DNHD1: variants seen among roughly 807,000 people sequenced by gnomAD.
The protein encoded by DNHD1 is dynein heavy chain domain-containing protein 1.
Under a neutral mutation model 458.1 loss-of-function variants are expected in DNHD1, and 383 were observed. The observed-to-expected ratio is 0.84, with a 90% CI of 0.77 to 0.91. DNHD1 has a LOEUF of 0.91. Among genes scored for constraint, DNHD1 ranks in the 40% least tolerant of loss-of-function variants. The probability of loss-of-function intolerance (pLI) is 0.00; values close to 1 mark genes in which losing one functional copy is unlikely to be tolerated. For missense variants in DNHD1, 5,336 were observed against 5,866.1 expected, an observed-to-expected ratio of 0.91 and a Z score of 2.95; for synonymous variants, 2,203 against 2,376.9, an observed-to-expected ratio of 0.93 and a Z score of 2.13.
chr11:6,534,082 TA>T lies in DNHD1; in HGVS notation c.2908del (p.Thr970LeufsTer8), dbSNP rs755616748. On this transcript the variant is annotated frameshift_variant, in exon 14 of 43. Coordinates refer to ENST00000254579, the MANE Select transcript of DNHD1 (RefSeq NM_144666.3). ...TGGACCCCACACAAGATCAGAGGAG[TA>T]CTGAGCACCAGCTCGTCTCCCTAGA... ...FMDPTQDQRSTEHQLVSLERQ... is the reference protein window; with the variant it reads ...FMDPTQDQRSXEHQLVSLERQ... The T allele has an allele frequency of 6.4e-5, 99 of 1,551,082 alleles. No homozygotes were observed. The South Asian group carries it at 1.1e-3, about 18-fold the overall frequency.
intron 24 of DNHD1, among the ~76,000 whole-genome samples, chr11:6,551,748 C>T (rs776882422): frequency 9.2e-5 from 14 of 152,186 alleles, no homozygotes; most frequent in Admixed American, 9.2e-4. Flanking sequence ...GGAGACCATC[C>T]TGGCCAACAT....
At position 6,546,811 on chromosome 11, in the gene DNHD1, G is replaced by A. The variant is rs530494945; in HGVS notation, c.5872G>A (p.Glu1958Lys). The A allele has an allele frequency of 7.5e-5, 116 of 1,551,858 alleles. No homozygotes were observed. The South Asian group carries it at 1.3e-3, about 17-fold the overall frequency. Residue 1958 changes from glutamate to lysine, a missense_variant, in exon 21 of 43, where the codon GAG (glutamate) becomes AAG (lysine). By Grantham distance (56) the Glu-to-Lys change is moderately conservative. Transcript: ENST00000254579. ...CAAGCTGATGAAGCCATTGGTGGTG[G>A]AGGAACTGCAACAGGTAGGTCTGGA... ...TYKLMKPLVV[E>K]ELQQVGLDPS...
Position 6,564,721 on chromosome 11 carries a change from C to G in DNHD1, c.10673C>G (p.Pro3558Arg). 1.3e-6 allele frequency: 2 copies of G among 1,550,190 alleles called. No individual in the cohort carries two copies. The highest frequency in any genetic ancestry group is 1.7e-6 in the Non-Finnish European group (2 of 1,145,852). The change falls in exon 32 of 43, where the codon CCC (proline) becomes CGC (arginine). Residue 3558 changes from proline (P) to arginine (R), a missense_variant. Physicochemically the swap from Pro to Arg is moderately radical, Grantham distance 103. This residue lies in a region of DNHD1 where 11 missense variants were observed against 31.4 expected (regional missense o/e 0.35). Transcript: ENST00000254579. Reference sequence around the variant, plus strand: ...TGCCGTTGGCCTCTGCTGCTTGACCCCAGCAACGAGGCCCTCATCTGGTTG... The same window carrying G: ...TGCCGTTGGCCTCTGCTGCTTGACCGCAGCAACGAGGCCCTCATCTGGTTG... ...SSCRWPLLLD[P>R]SNEALIWLDP...
At chr11:6,541,876 A>G (rs1853103557) in intron 18 of DNHD1, among the ~76,000 whole-genome samples, 2 of 152,198 alleles carry the variant, frequency 1.3e-5, no homozygotes, top group African/African-American at 4.8e-5. Flanking sequence ...GCAATGGGGA[A>G]AGGAAAGTGG....
intron 33 of DNHD1, 100 bp from the exon 34 acceptor site, chr11:6,566,141 C>T: frequency 6.7e-7 from 1 of 1,498,584 alleles, no homozygotes. Context: ...ACCCTCCTAT[C>T]AGCCACAGGG....
Position 6,509,045 on chromosome 11 carries a change from A to G in DNHD1, c.1086A>G (p.Pro362=), listed in dbSNP as rs77615924. ...CVLWQQLQFI[P]FFKYCLLRKS... is the part of the protein sequence containing the mutation. ...TCTGGCAGCAGCTCCAGTTCATTCC[A>G]TTCTTTAAGTATTGCCTCTTACGCA... The change falls in exon 5 of 43, where the codon CCA becomes CCG. Residue 362 remains proline (P), a synonymous_variant. Coordinates refer to ENST00000254579, the MANE Select transcript of DNHD1 (RefSeq NM_144666.3). The G allele has an allele frequency of 1.2e-3, 1,996 of 1,614,158 alleles. 10 individuals carry two copies. The African/African-American group carries it at 0.015, about 12-fold the overall frequency.
Position 6,557,399 on chromosome 11 carries a change from G to T in DNHD1, c.8104G>T (p.Glu2702Ter), listed in dbSNP as rs1012468951. Residue 2702 changes from glutamate to a stop codon, truncating the protein, a stop_gained, in exon 25 of 43, where the codon GAG (glutamate) becomes TAG (stop). Coordinates refer to ENST00000254579, the MANE Select transcript of DNHD1 (RefSeq NM_144666.3). LOFTEE classifies it high-confidence loss of function. ...DHQESEEEEE[E>*]ERVPEVESEG... ...TCAGGAGAGTGAGGAGGAGGAGGAGGAGGAGAGGGTGCCCGAAGTAGAATC... is the reference window on the plus strand; with the variant it reads ...TCAGGAGAGTGAGGAGGAGGAGGAGTAGGAGAGGGTGCCCGAAGTAGAATC... The T allele has an allele frequency of 1.2e-5, 18 of 1,551,002 alleles. No individual in the cohort carries two copies. Among genetic ancestry groups the T allele is most frequent in the Non-Finnish European group, 1.5e-5 (17 of 1,147,104 alleles).
Position 6,519,859 on chromosome 11 carries a change from G to C in DNHD1, c.1647+5G>C, listed in dbSNP as rs752213845. ...TTTGTGGCCAACATCCTTCAAGTGAGGTGGTGGGTGGCATGTGTGGAGGTG... is the reference window on the plus strand; with the variant it reads ...TTTGTGGCCAACATCCTTCAAGTGACGTGGTGGGTGGCATGTGTGGAGGTG... On this transcript the variant is annotated splice_donor_5th_base_variant and intron_variant, in intron 8 of 42. Transcript: ENST00000254579. 5.6e-6 allele frequency: 9 copies of C among 1,612,664 alleles called. No individual in the cohort carries two copies. Among genetic ancestry groups the C allele is most frequent in the Middle Eastern group, 1.6e-4 (1 of 6,062 alleles).
chr11:6,564,270 C>G, intron 31 of DNHD1, 63 bp from the exon 32 acceptor site: 1 of 1,474,010 alleles, frequency 6.8e-7, no homozygotes, highest in Non-Finnish European at 9.1e-7. Flanking sequence ...CTCCCTCTGC[C>G]ATATCTCTGC....
intron 4 of DNHD1, among the ~76,000 whole-genome samples, chr11:6,507,835 G>A (rs1216855249): frequency 6.6e-6 from 1 of 152,178 alleles, no homozygotes; most frequent in Non-Finnish European, 1.5e-5. Flanking sequence ...GTAATTTGGG[G>A]ATATGAGTAC....
intron 32 of DNHD1, among the ~76,000 whole-genome samples, chr11:6,565,044 C>T (rs1438681655): frequency 6.6e-6 from 1 of 152,198 alleles, no homozygotes; most frequent in Non-Finnish European, 1.5e-5. Context: ...GTCTACTCAG[C>T]ACTACCCAAA....
At chr11:6,568,891 CTCAG>C (rs748245819) in intron 39 of DNHD1, 25 bp downstream of exon 39, 137 of 1,587,468 alleles carry the variant, frequency 8.6e-5, no homozygotes, top group Middle Eastern at 5.0e-4. Context: ...CCCATTCCTG[CTCAG>C]TCAATCACTC....
intron 28 of DNHD1, among the ~76,000 whole-genome samples, 182 bp downstream of exon 28, chr11:6,559,465 T>C (rs1401831983): frequency 1.3e-5 from 2 of 152,348 alleles, no homozygotes; most frequent in Admixed American, 1.3e-4. Context: ...TTTCCCATGA[T>C]ACAGCTAAGA....
intron 12 of DNHD1, among the ~76,000 whole-genome samples, chr11:6,531,618 A>G (rs2134410410): frequency 6.6e-6 from 1 of 152,330 alleles, no homozygotes; most frequent in South Asian, 2.1e-4. Context: ...AAAAAGGATG[A>G]GTTTAGATCT....
At chr11:6,502,729 C>G in intron 3 of DNHD1, 24 bp from the exon 4 acceptor site, 1 of 1,556,488 alleles carries the variant, frequency 6.4e-7, no homozygotes, top group South Asian at 1.2e-5. Context: ...TCTGCCTTTT[C>G]TCTCCTGATT....
At chr11:6,565,582 A>T (rs1853677741) in intron 32 of DNHD1, 113 bp from the exon 33 acceptor site, 2 of 1,184,262 alleles carry the variant, frequency 1.7e-6, no homozygotes, top group Non-Finnish European at 2.3e-6. Context: ...CAACTTTCCT[A>T]AGATGTCTTC....
At chr11:6,553,653 A>T (rs932550466) in intron 24 of DNHD1, among the ~76,000 whole-genome samples, 2 of 152,244 alleles carry the variant, frequency 1.3e-5, no homozygotes, top group Non-Finnish European at 2.9e-5. Context: ...CATCAGGGTC[A>T]CAGGATACAG....
chr11:6,516,595 A>C (rs1852476586), intron 7 of DNHD1, among the ~76,000 whole-genome samples: 1 of 151,862 alleles, frequency 6.6e-6, no homozygotes, highest in Non-Finnish European at 1.5e-5. Flanking sequence ...ACCTCGCCCC[A>C]CCAGTACTAA....
chr11:6,521,454 G>T (rs1456866871), intron 10 of DNHD1, among the ~76,000 whole-genome samples: 1 of 152,124 alleles, frequency 6.6e-6, no homozygotes, highest in Non-Finnish European at 1.5e-5. Context: ...GTCTTAGGTT[G>T]TCCCTTCTAC....
Sources: gnomAD v4.1 joint callset for allele counts (sites outside exome capture counted in the v4.1 genomes callset) on GRCh38, gnomAD v4.1.1 for gene constraint, gnomAD v4.1.1 regional missense constraint, MANE v1.5 for transcripts, NCBI Gene and HGNC (gene_info 2026-07-23, HGNC 2026-07-21) for gene names.